The following ADAMTSL1 variants were observed in gnomAD, a reference collection of about 807,000 sequenced individuals.
The protein encoded by ADAMTSL1 is ADAMTS-like protein 1.
A neutral mutation model predicts 201.8 loss-of-function variants in ADAMTSL1; 126 were observed. The ratio of observed to expected loss-of-function variants is 0.62; its 90% CI spans 0.54 to 0.72. ADAMTSL1 has a LOEUF of 0.72. ADAMTSL1 is among the 30% of genes least tolerant of loss of function. ADAMTSL1 has a pLI of 0.00. For synonymous variants in ADAMTSL1, 1,121 were observed against 903.4 expected (o/e 1.24, Z -4.32); for missense variants, 2,679 against 2,277.8 (o/e 1.18, Z -3.59).
chr9:18,392,519 C>T (rs1229521811), intron 2 of ADAMTSL1, among the ~76,000 whole-genome samples: 1 of 152,200 alleles, frequency 6.6e-6, no homozygotes, highest in Admixed American at 6.5e-5. Flanking sequence ...ACAGTTTTCC[C>T]TGCTGATAGC....
chr9:18,149,022 C>G (rs1367039198), intron 1 of ADAMTSL1, among the ~76,000 whole-genome samples: 1 of 151,974 alleles, frequency 6.6e-6, no homozygotes, highest in African/African-American at 2.4e-5. Context: ...AGCAGGTTCT[C>G]CAATAGAAAG....
intron 1 of ADAMTSL1, among the ~76,000 whole-genome samples, chr9:18,101,272 C>A (rs1587051376): frequency 6.6e-6 from 1 of 152,168 alleles, no homozygotes; most frequent in African/African-American, 2.4e-5. Context: ...CTGAGGCGGG[C>A]AGATCACGAG....
At chr9:17,945,898 A>G (rs1481744166) in intron 1 of ADAMTSL1, among the ~76,000 whole-genome samples, 1 of 151,684 alleles carries the variant, frequency 6.6e-6, no homozygotes, top group Admixed American at 6.6e-5. Context: ...GCACACCAGC[A>G]TGGCACATGT....
rs775217487 is a variant in ADAMTSL1, at chr9:18,892,478, CTGGGATCTCCA to C, written c.4734_4744del (p.Gly1579ProfsTer5). 6.2e-7 allele frequency: 1 copy of C among 1,612,120 alleles called. No homozygotes were observed. Among genetic ancestry groups the C allele is most frequent in the Admixed American group, 1.7e-5 (1 of 59,818 alleles). On this transcript the variant is annotated frameshift_variant, in exon 26 of 29. Coordinates refer to ENST00000380548, the MANE Select transcript of ADAMTSL1 (RefSeq NM_001040272.6). LOFTEE classifies it high-confidence loss of function. ...GTGACCTGTCAAAAGCTGAAAGCCT[CTGGGATCTCCA>C]CCCCTGTGTCCAATGACATGTGCAC...
At chr9:18,730,995 C>T (rs1446002727) in intron 15 of ADAMTSL1, among the ~76,000 whole-genome samples, 3 of 152,164 alleles carry the variant, frequency 2.0e-5, no homozygotes, top group Admixed American at 6.5e-5. Context: ...AATACCAAGC[C>T]GTGACTTATT....
At chr9:18,288,449 A>C (rs1355751060) in intron 2 of ADAMTSL1, among the ~76,000 whole-genome samples, 1 of 152,136 alleles carries the variant, frequency 6.6e-6, no homozygotes, top group African/African-American at 2.4e-5. Context: ...GGACTATGTT[A>C]CTTAGAAGGA....
intron 2 of ADAMTSL1, among the ~76,000 whole-genome samples, chr9:18,322,904 C>T (rs981235909): frequency 7.9e-5 from 12 of 152,124 alleles, no homozygotes; most frequent in Non-Finnish European, 1.8e-4. Context: ...ATTTCTATTT[C>T]CCTCACAAAA....
chr9:18,340,911 C>T (rs1005101612), intron 2 of ADAMTSL1, among the ~76,000 whole-genome samples: 2 of 152,070 alleles, frequency 1.3e-5, no homozygotes, highest in African/African-American at 2.4e-5. Flanking sequence ...CTAATACAGT[C>T]TACTTACCTG....
Position 18,186,545 on chromosome 9 carries a change from A to G in ADAMTSL1, c.207+22564A>G, listed in dbSNP as rs563939904. 3.9e-5 allele frequency among the ~76,000 whole-genome samples: 6 copies of G among 152,250 alleles called. No individual in the cohort carries two copies. In the East Asian group the frequency reaches 7.7e-4, roughly 20 times the overall value. On this transcript the variant is annotated intron_variant, in intron 2 of 29. Transcript: ENST00000680146. The stretch of plus-strand genomic sequence containing the variant: ...TAGAATGGGTATGTAATGCCCCACC[A>G]TAAAAGTAGACTTTGCATTTCAGTC...
At chr9:18,665,221 T>C (rs966255885) in intron 9 of ADAMTSL1, among the ~76,000 whole-genome samples, 1 of 152,154 alleles carries the variant, frequency 6.6e-6, no homozygotes, top group Non-Finnish European at 1.5e-5. Flanking sequence ...AAACTAGATA[T>C]GGCTACCAGT....
rs1725688870 is a variant in ADAMTSL1 at position 18,728,288 on chromosome 9, T to TA, written c.2006+6624dup. 4.6e-5 allele frequency among the ~76,000 whole-genome samples: 7 copies of TA among 152,254 alleles called. 1 individual carries two copies. The South Asian group carries it at 1.5e-3, about 32-fold the overall frequency. ...TCAGCATTAGGAAAATCCATGCAAT[T>TA]ACATCCTGAGAGGGAAGCTTTTCTG... On this transcript the variant is annotated intron_variant, in intron 15 of 28. Coordinates refer to ENST00000380548, the MANE Select transcript of ADAMTSL1 (RefSeq NM_001040272.6).
chr9:18,661,677 A>G (rs1375730826), intron 8 of ADAMTSL1, among the ~76,000 whole-genome samples: 1 of 152,142 alleles, frequency 6.6e-6, no homozygotes, highest in Non-Finnish European at 1.5e-5. Context: ...CCAGAGTCTT[A>G]TTATCTGGCT....
chr9:18,558,344 C>A (rs79926784), intron 3 of ADAMTSL1, among the ~76,000 whole-genome samples: 38,176 of 152,030 alleles, frequency 0.25, 5,530 homozygotes, highest in Admixed American at 0.35. Context: ...TGAACTCATC[C>A]TTTTTTATGG....
chr9:18,412,506 T>C (rs534414064), intron 2 of ADAMTSL1, among the ~76,000 whole-genome samples: 2 of 152,354 alleles, frequency 1.3e-5, no homozygotes, highest in East Asian at 3.9e-4. Flanking sequence ...GTCAACTTTT[T>C]AGATTCACAC....
At chr9:17,996,420 A>T (rs1371807229) in intron 1 of ADAMTSL1, among the ~76,000 whole-genome samples, 1 of 152,114 alleles carries the variant, frequency 6.6e-6, no homozygotes, top group Non-Finnish European at 1.5e-5. Context: ...ACTGAGCTAC[A>T]ATGTTATATT....
intron 1 of ADAMTSL1, among the ~76,000 whole-genome samples, chr9:18,015,951 T>G (rs1820243751): frequency 6.6e-6 from 1 of 152,062 alleles, no homozygotes; most frequent in African/African-American, 2.4e-5. Flanking sequence ...AATAAAGATC[T>G]CTGAAAACCA....
intron 1 of ADAMTSL1, among the ~76,000 whole-genome samples, chr9:18,042,242 TCCAAA>T (rs1283819992): frequency 6.6e-6 from 1 of 152,136 alleles, no homozygotes; most frequent in Admixed American, 6.6e-5. Context: ...TGCAAAAGTT[TCCAAA>T]GCTTGATTTA....
At chr9:18,549,631 A>G (rs186785947) in intron 3 of ADAMTSL1, among the ~76,000 whole-genome samples, 1 of 152,040 alleles carries the variant, frequency 6.6e-6, no homozygotes, top group Admixed American at 6.6e-5. Context: ...AGTGTCTGGG[A>G]CTATTGAACT....
intron 2 of ADAMTSL1, among the ~76,000 whole-genome samples, chr9:18,335,908 C>T (rs1291931635): frequency 6.6e-6 from 1 of 152,038 alleles, no homozygotes; most frequent in Non-Finnish European, 1.5e-5. Flanking sequence ...AACAAAAATT[C>T]TGGATTCCTG....
Sources: gnomAD v4.1 joint callset for allele counts (sites outside exome capture counted in the v4.1 genomes callset) on GRCh38, gnomAD v4.1.1 for gene constraint, MANE v1.5 for transcripts, NCBI Gene and HGNC (gene_info 2026-07-23, HGNC 2026-07-21) for gene names.